Variants in CISH observed in about 807,000 individuals in gnomAD.
CISH encodes cytokine-inducible SH2-containing protein.
Under a neutral mutation model 21.3 loss-of-function variants are expected in CISH, and 11 were observed. The ratio of observed to expected loss-of-function variants is 0.52; its 90% CI spans 0.32 to 0.85. The LOEUF (loss-of-function observed/expected upper bound fraction) is 0.85, where lower values mean the gene tolerates loss of function less well. Among genes scored for constraint, CISH ranks in the 40% least tolerant of loss-of-function variants. The probability of loss-of-function intolerance (pLI) is 0.03; values close to 1 mark genes in which losing one functional copy is unlikely to be tolerated. For synonymous variants in CISH, 118 were observed against 142.3 expected (o/e 0.83, Z 1.22); for missense variants, 280 against 351.7 (o/e 0.80, Z 1.63).
At chr3:50,610,587 G>A in intron 1 of CISH, 1 of 1,484,906 alleles carries the variant, frequency 6.7e-7, no homozygotes, top group East Asian at 2.5e-5. Context: ...AGGCTCCTGG[G>A]GTGGAAGGCA....
Position 50,608,131 on chromosome 3 carries a change from C to T in CISH, c.253G>A (p.Gly85Ser). The T allele has an allele frequency of 6.2e-7, 1 of 1,604,564 alleles. No homozygotes were observed. Among genetic ancestry groups the T allele is most frequent in the African/African-American group, 1.3e-5 (1 of 74,920 alleles). ...SYLRESGWYWGSITASEARQH... is the reference protein window; with the variant it reads ...SYLRESGWYWSSITASEARQH... ...CGGGCCTCGCTGGCCGTAATGGAAC[C>T]CCAATACCAGCCTAGGCAAGTGCAG... Residue 85 changes from glycine to serine, a missense_variant, in exon 3 of 3, where the codon GGT becomes AGT. By Grantham distance (56) the Gly-to-Ser change is moderately conservative (BLOSUM62 0). Coordinates refer to ENST00000348721, the MANE Select transcript of CISH (RefSeq NM_145071.4).
At chr3:50,610,039 A>C in intron 1 of CISH, 1 of 346,846 alleles carries the variant, frequency 2.9e-6, no homozygotes, top group South Asian at 3.4e-5. Context: ...ATGACCACTC[A>C]CAGTGAGAAA....
chr3:50,611,006 C>T (rs2032308144), intron 1 of CISH: 1 of 992,010 alleles, frequency 1.0e-6, no homozygotes, highest in East Asian at 1.1e-4. Context: ...GAGGCAGGAG[C>T]CAAGGTCCTT....
Position 50,611,737 on chromosome 3 carries a change from G to C in CISH, c.-87C>G. 1.4e-6 allele frequency: 2 copies of C among 1,402,782 alleles called. No homozygotes were observed. Among genetic ancestry groups the C allele is most frequent in the Non-Finnish European group, 1.9e-6 (2 of 1,080,462 alleles). The allele number at this position is 1,402,782 out of a possible 1,614,324, so 86.9% of individuals were successfully genotyped here. A position where few individuals can be genotyped will look rare whatever the true frequency, so the allele number is the denominator to read the frequency against. On this transcript the variant is annotated 5_prime_UTR_variant, in exon 1 of 3. Transcript: ENST00000348721. ...ACCAGTGGGCGCGGAGCGCGTGCTG[G>C]GTAGGCTCCCGGGGCGCGCGGGCGC...
chr3:50,607,470 C>T lies in CISH; in HGVS notation c.*137G>A, dbSNP rs1208176192. ...CTCTCCCATGCCTTGCTCTTGCTGG[C>T]TCTTCCTGGGCCAGCTGCCAGAGGT... On this transcript the variant is annotated 3_prime_UTR_variant, in exon 3 of 3. Coordinates refer to ENST00000348721, the MANE Select transcript of CISH (RefSeq NM_145071.4). The T allele has an allele frequency of 1.1e-6, 1 of 915,978 alleles. No homozygotes were observed. Among genetic ancestry groups the T allele is most frequent in the Non-Finnish European group, 1.6e-6 (1 of 610,930 alleles). 56.7% of individuals were successfully genotyped at this position (915,978 alleles called of 1,614,324 possible).
Position 50,611,772 on chromosome 3 carries a change from A to G in CISH, c.-122T>C, listed in dbSNP as rs948009587. 5 of 1,316,564 alleles carry G rather than the reference A, an allele frequency of 3.8e-6. No homozygotes were observed. In the African/African-American group the frequency reaches 7.8e-5, roughly 21 times the overall value. The allele number at this position is 1,316,564 out of a possible 1,614,324, so 81.6% of individuals were successfully genotyped here. On this transcript the variant is annotated 5_prime_UTR_variant, in exon 1 of 3. Transcript: ENST00000348721. The stretch of plus-strand genomic sequence containing the variant: ...CGGGGCGCGCGGGCGCAGGACAGGG[A>G]CTGAGAGGCAGTGGCGCGGACCGCC...
At chr3:50,610,611 T>TCCCAGA in intron 1 of CISH, 1 of 1,455,476 alleles carries the variant, frequency 6.9e-7, no homozygotes. Flanking sequence ...GTGGGGCAGG[T>TCCCAGA]ATTCAGGAGT....
chr3:50,608,548 C>A lies in CISH; in HGVS notation c.66G>T (p.Leu22=). Residue 22 remains leucine (L), a synonymous_variant, in exon 2 of 3, where the codon CTG becomes CTT. Coordinates refer to ENST00000348721, the MANE Select transcript of CISH (RefSeq NM_145071.4). The stretch of plus-strand genomic sequence containing the variant: ...TGGGCAGTTCCAGGGACGGGGCCCA[C>A]AGGGGCCGCTGCCCAGTCCGCTCCA... ...LAVERTGQRP[L]WAPSLELPKP... is the part of the protein sequence containing the mutation. The A allele has an allele frequency of 6.3e-7, 1 of 1,590,668 alleles. No homozygotes were observed. The highest frequency in any genetic ancestry group is 8.6e-7 in the Non-Finnish European group (1 of 1,169,432).
intron 1 of CISH, chr3:50,609,103 T>C (rs1175862290): frequency 6.5e-6 from 1 of 152,762 alleles, no homozygotes; most frequent in Admixed American, 6.5e-5. Context: ...AGGATTATGG[T>C]AGGCTGCCTG....
In CISH at chr3:50,606,665, T is replaced by C. The variant is rs1341564287; in HGVS notation, c.*942A>G. 6.6e-6 allele frequency: 1 copy of C among 152,240 alleles called. No individual in the cohort carries two copies. Among genetic ancestry groups the C allele is most frequent in the Non-Finnish European group, 1.5e-5 (1 of 68,044 alleles). 9.4% of individuals were successfully genotyped at this position (152,240 alleles called of 1,614,324 possible). ...TTCTCTCCTCTCATGTGCAGGCACCTTCCTGGGCAGGAAGCAGACCTAGCA... is the reference window on the plus strand; with the variant it reads ...TTCTCTCCTCTCATGTGCAGGCACCCTCCTGGGCAGGAAGCAGACCTAGCA... On this transcript the variant is annotated 3_prime_UTR_variant, in exon 3 of 3. Transcript: ENST00000348721.
At chr3:50,611,478 C>T in intron 1 of CISH, 153 bp downstream of exon 1, 4 of 1,433,214 alleles carry the variant, frequency 2.8e-6, no homozygotes, top group Non-Finnish European at 2.7e-6. Flanking sequence ...GGGAGTGTCA[C>T]AGCCCCACAC....
chr3:50,609,557 C>G (rs1559478801), intron 1 of CISH: 1 of 152,224 alleles, frequency 6.6e-6, no homozygotes, highest in Non-Finnish European at 1.5e-5. Context: ...GGGAAGCCCA[C>G]CCAGCAGGGT....
chr3:50,611,596 T>A, intron 1 of CISH, 35 bp downstream of exon 1: 1 of 1,522,894 alleles, frequency 6.6e-7, no homozygotes, highest in Non-Finnish European at 8.8e-7. Flanking sequence ...GCGCCCCTCG[T>A]GGTGGCCGGG....
chr3:50,608,310 GC>G, intron 2 of CISH, 62 bp downstream of exon 2: 2 of 1,499,042 alleles, frequency 1.3e-6, no homozygotes, highest in Admixed American at 4.0e-5. Context: ...AGACTCAAAG[GC>G]AGAACTAAGC....
chr3:50,609,298 C>G (rs1341484857), intron 1 of CISH: 2 of 152,298 alleles, frequency 1.3e-5, no homozygotes, highest in Non-Finnish European at 2.9e-5. Context: ...AGTCTCACCT[C>G]CTGTCAGTAT....
In CISH at chr3:50,611,588, G is replaced by A. The variant is rs965341355; in HGVS notation, c.20+43C>T. 4 of 1,522,896 alleles carry A rather than the reference G, an allele frequency of 2.6e-6. No individual in the cohort carries two copies. In the African/African-American group the frequency reaches 4.3e-5, roughly 16 times the overall value. The allele number at this position is 1,522,896 out of a possible 1,614,324, so 94.3% of individuals were successfully genotyped here. On this transcript the variant is annotated intron_variant, in intron 1 of 2. Transcript: ENST00000348721. ...GCACGAAGCCCCTGTTCTCCCGTGC[G>A]CCCCTCGTGGTGGCCGGGAAGGGGG...
rs995405246 is a variant in CISH, at chr3:50,608,609, T to A, written c.21-16A>T. 8 of 1,465,952 alleles carry A rather than the reference T, an allele frequency of 5.5e-6. No individual in the cohort carries two copies. The highest frequency in any genetic ancestry group is 7.2e-6 in the Non-Finnish European group (8 of 1,111,020). The allele number at this position is 1,465,952 out of a possible 1,614,324, so 90.8% of individuals were successfully genotyped here. A position where few individuals can be genotyped will look rare whatever the true frequency, so the allele number is the denominator to read the frequency against. On this transcript the variant is annotated splice_polypyrimidine_tract_variant and intron_variant, in intron 1 of 2. Transcript: ENST00000348721. ...AGGACGAGGTCTAGAAGGCAGTGGA[T>A]GAGCAGTGAGTGGAGGACCCATGCT...
rs1361134816 is a variant in CISH, at chr3:50,608,550, G to A, written c.64C>T (p.Leu22=). Residue 22 remains leucine, a synonymous_variant, in exon 2 of 3, where the codon CTG becomes TTG. Transcript: ENST00000348721. ...GGCAGTTCCAGGGACGGGGCCCACAGGGGCCGCTGCCCAGTCCGCTCCACA... is the reference window on the plus strand; with the variant it reads ...GGCAGTTCCAGGGACGGGGCCCACAAGGGCCGCTGCCCAGTCCGCTCCACA... The part of the protein sequence containing the change: ...LAVERTGQRP[L]WAPSLELPKP... The A allele has an allele frequency of 6.3e-7, 1 of 1,589,454 alleles. No homozygotes were observed. Among genetic ancestry groups the A allele is most frequent in the Non-Finnish European group, 8.6e-7 (1 of 1,168,930 alleles).
intron 1 of CISH, chr3:50,609,718 G>A (rs1326053850): frequency 6.6e-6 from 1 of 152,294 alleles, no homozygotes; most frequent in East Asian, 1.9e-4. Context: ...CCGCCATAAT[G>A]AAACCATGGC....
Sources: gnomAD v4.1 joint callset for allele counts on GRCh38, gnomAD v4.1.1 for gene constraint, MANE v1.5 for transcripts, NCBI Gene and HGNC (gene_info 2026-07-23, HGNC 2026-07-21) for gene names.